CYFIP2: variants seen among roughly 807,000 people sequenced by gnomAD.
CYFIP2 encodes the protein cytoplasmic FMR1 interacting protein 2, also known as cytoplasmic FMR1-interacting protein 2.
In CYFIP2, 29 loss-of-function variants were observed where a neutral mutation model predicts 158.7. The ratio of observed to expected loss-of-function variants is 0.18; its 90% confidence interval spans 0.14 to 0.25. The LOEUF is 0.25. Among genes scored for constraint, CYFIP2 ranks in the 10% least tolerant of loss-of-function variants. The probability of loss-of-function intolerance (pLI) is 1.00; values close to 1 mark genes in which losing one functional copy is unlikely to be tolerated. For missense variants in CYFIP2, 852 were observed against 1,639.5 expected, an observed-to-expected ratio of 0.52 and a Z score of 8.29; for synonymous variants, 585 against 617.6, an observed-to-expected ratio of 0.95 and a Z score of 0.78.
At chr5:157,384,463 C>T (rs772866201) in intron 28 of CYFIP2, 2 of 456,722 alleles carry the variant, frequency 4.4e-6, no homozygotes. Context: ...TTGGTGTTCT[C>T]ACCAAGGGCA....
At chr5:157,371,338 C>T (rs914442698) in intron 26 of CYFIP2, among the ~76,000 whole-genome samples, 3 of 152,160 alleles carry the variant, frequency 2.0e-5, no homozygotes, top group African/African-American at 4.8e-5. Flanking sequence ...ATTTCCAGCT[C>T]CTTTCTCCAT....
At position 157,266,123 on chromosome 5, in the gene CYFIP2, A is replaced by C. The variant is rs542690579; in HGVS notation, c.-96A>C. The stretch of plus-strand genomic sequence containing the variant: ...CGAGCGCGGCGCAGCGGAGCGGGGC[A>C]GAGCATCCTGCGCCCCGGCGCGGGG... On this transcript the variant is annotated 5_prime_UTR_variant, in exon 1 of 31. Transcript: ENST00000620254. This position sits in a 1 kb window ranked among gnomAD's most constrained non-coding sequence, Gnocchi z 4.2. The C allele has an allele frequency of 6.6e-6, 1 of 150,850 alleles. No individual in the cohort carries two copies. The highest frequency in any genetic ancestry group is 1.5e-5 in the Non-Finnish European group (1 of 67,450). 9.3% of individuals were successfully genotyped at this position (150,850 alleles called of 1,614,324 possible).
intron 18 of CYFIP2, among the ~76,000 whole-genome samples, chr5:157,327,702 C>G (rs1761136454): frequency 6.6e-6 from 1 of 152,172 alleles, no homozygotes; most frequent in African/African-American, 2.4e-5. Flanking sequence ...TTGCATCCCT[C>G]CAGGCAGGCG....
At chr5:157,296,082 T>TGTCA (rs1196088803) in intron 4 of CYFIP2, among the ~76,000 whole-genome samples, 1 of 152,148 alleles carries the variant, frequency 6.6e-6, no homozygotes, top group African/African-American at 2.4e-5. Context: ...AATGTGAACA[T>TGTCA]GTCAGTAACT....
At chr5:157,386,456 G>A (rs1232149829) in intron 28 of CYFIP2, among the ~76,000 whole-genome samples, 2 of 152,066 alleles carry the variant, frequency 1.3e-5, no homozygotes, top group Non-Finnish European at 2.9e-5. Flanking sequence ...TATTCATGAG[G>A]GTACAAGGAA....
At chr5:157,277,027 T>G (rs1756602470) in intron 1 of CYFIP2, 1 of 139,458 alleles carries the variant, frequency 7.2e-6, no homozygotes, top group South Asian at 2.2e-4. Context: ...TGTATGGGTT[T>G]TTTCTCTTTT....
intron 26 of CYFIP2, among the ~76,000 whole-genome samples, chr5:157,367,816 A>AG (rs1764557299): frequency 1.4e-5 from 2 of 141,438 alleles, no homozygotes. Flanking sequence ...GTGCAGTGGC[A>AG]TGATCTCGGC....
intron 23 of CYFIP2, among the ~76,000 whole-genome samples, chr5:157,348,261 T>C (rs1203039786): frequency 6.6e-6 from 1 of 152,160 alleles, no homozygotes; most frequent in Non-Finnish European, 1.5e-5. Context: ...GGAAAGTGAG[T>C]GGCTCACAGA....
At chr5:157,340,702 G>C (rs910073304) in intron 22 of CYFIP2, among the ~76,000 whole-genome samples, 4 of 152,186 alleles carry the variant, frequency 2.6e-5, no homozygotes, top group African/African-American at 9.7e-5. Flanking sequence ...AAAAATATTT[G>C]CTGCCTGGCT....
chr5:157,270,384 G>A lies in CYFIP2; in HGVS notation c.-24+4189G>A, dbSNP rs115389190. The stretch of plus-strand genomic sequence containing the variant: ...GGAGACTTCAGGGTTTGGAACAGTT[G>A]CCTATGTGGGTGGAATAAGAAATAA... On this transcript the variant is annotated intron_variant, in intron 1 of 30. Coordinates refer to ENST00000620254, the MANE Select transcript of CYFIP2 (RefSeq NM_001037333.3). Among the ~76,000 whole-genome samples, 441 of 152,316 alleles carry A rather than the reference G, an allele frequency of 2.9e-3. 4 individuals carry two copies. The highest frequency in any genetic ancestry group is 9.6e-3 in the African/African-American group (398 of 41,562).
At position 157,307,415 on chromosome 5, in the gene CYFIP2, GTCTCTGAT is replaced by G. The variant is rs112583535; in HGVS notation, c.796-343_796-336del. Reference sequence around the variant, plus strand: ...TTGGCGAGCTGTCTAACCTCCCTGTGTCTCTGATTCCTCATCTATAGAATAAGGTTATT... The same window carrying G: ...TTGGCGAGCTGTCTAACCTCCCTGTGTCCTCATCTATAGAATAAGGTTATT... On this transcript the variant is annotated intron_variant, in intron 8 of 30. Transcript: ENST00000620254. Among the ~76,000 whole-genome samples the G allele has an allele frequency of 3.4e-3, 522 of 152,276 alleles. 3 individuals carry two copies. The highest frequency in any genetic ancestry group is 0.012 in the African/African-American group (503 of 41,528).
intron 18 of CYFIP2, among the ~76,000 whole-genome samples, chr5:157,327,377 C>T (rs982331548): frequency 5.9e-5 from 9 of 151,866 alleles, no homozygotes; most frequent in Non-Finnish European, 1.2e-4. Flanking sequence ...CCAACCTGGC[C>T]AACATGGTGA....
chr5:157,363,800 GA>G (rs1764076906), intron 26 of CYFIP2: 1 of 152,378 alleles, frequency 6.6e-6, no homozygotes, highest in Non-Finnish European at 1.5e-5. Flanking sequence ...GAATAGACGG[GA>G]GGGGAAAGGA....
At position 157,274,002 on chromosome 5, in the gene CYFIP2, G is replaced by A. The variant is rs188880076; in HGVS notation, c.-24+7807G>A. ...ATACAAAAATTAGCCAGGCATGGTG[G>A]CAGGTGCCTGTAATTCCAGCTACTC... On this transcript the variant is annotated intron_variant, in intron 1 of 30. Transcript: ENST00000620254. Among the ~76,000 whole-genome samples, 262 of 152,208 alleles carry A rather than the reference G, an allele frequency of 1.7e-3. 2 individuals are homozygous for A. In the Middle Eastern group the frequency reaches 0.024, roughly 14 times the overall value.
At chr5:157,384,695 T>C in intron 28 of CYFIP2, 1 of 352,414 alleles carries the variant, frequency 2.8e-6, no homozygotes, top group Non-Finnish European at 5.7e-6. Flanking sequence ...ATCCCAGCAC[T>C]TTGGAAGGCC....
At chr5:157,351,436 A>G (rs1763064016) in intron 23 of CYFIP2, among the ~76,000 whole-genome samples, 1 of 152,228 alleles carries the variant, frequency 6.6e-6, no homozygotes, top group East Asian at 1.9e-4. Context: ...ATAATATTGA[A>G]AAGTTCAAAG....
Position 157,341,143 on chromosome 5 carries a change from C to G in CYFIP2, c.2659C>G (p.Leu887Val), listed in dbSNP as rs373799565. The G allele has an allele frequency of 6.2e-7, 1 of 1,613,840 alleles. No homozygotes were observed. Among genetic ancestry groups the G allele is most frequent in the African/African-American group, 1.3e-5 (1 of 74,898 alleles). Residue 887 changes from leucine (L) to valine (V), a missense_variant, in exon 23 of 31, where the codon CTC (leucine) becomes GTC (valine). Physicochemically the swap from Leu to Val is conservative, Grantham distance 32. Coordinates refer to ENST00000620254, the MANE Select transcript of CYFIP2 (RefSeq NM_001037333.3). ...ACCTGCCAACGTCCAGCCTTATTAC[C>G]TCTATGGATCCAAGGTAAGTAGTCC... ...DKPANVQPYY[L>V]YGSKPLNIAY...
chr5:157,266,168 C>T lies in CYFIP2; in HGVS notation c.-51C>T, dbSNP rs1459945687. The T allele has an allele frequency of 2.0e-5, 3 of 150,758 alleles. No individual in the cohort carries two copies. Among genetic ancestry groups the T allele is most frequent in the African/African-American group, 7.3e-5 (3 of 41,266 alleles). 9.3% of individuals were successfully genotyped at this position (150,758 alleles called of 1,614,324 possible). On this transcript the variant is annotated 5_prime_UTR_variant, in exon 1 of 31. Coordinates refer to ENST00000620254, the MANE Select transcript of CYFIP2 (RefSeq NM_001037333.3). This position sits in a 1 kb window ranked among gnomAD's most constrained non-coding sequence, Gnocchi z 4.2. Reference sequence around the variant, plus strand: ...GCGGGGCCCTGCGGTAGCCTCAGGCCCCTCCCCTGGACCCGCCGCAGAGCC... The same window carrying T: ...GCGGGGCCCTGCGGTAGCCTCAGGCTCCTCCCCTGGACCCGCCGCAGAGCC...
chr5:157,300,289 C>A (rs1232506609), intron 5 of CYFIP2, among the ~76,000 whole-genome samples: 2 of 152,100 alleles, frequency 1.3e-5, no homozygotes, highest in Non-Finnish European at 2.9e-5. Flanking sequence ...TCAGTCCCAG[C>A]ACTTTGGGAG....
Sources: allele counts gnomAD v4.1 joint callset (sites outside exome capture counted in the v4.1 genomes callset), GRCh38; gene constraint gnomAD v4.1.1; non-coding constraint Gnocchi (gnomAD v3.1); transcripts MANE v1.5; gene names NCBI Gene and HGNC (gene_info 2026-07-23, HGNC 2026-07-21).